TAS2R1: variants seen among roughly 807,000 people sequenced by gnomAD.
TAS2R1 encodes taste receptor type 2 member 1.
For synonymous variants in TAS2R1, 141 were observed against 134.2 expected, an observed-to-expected ratio of 1.05 and a Z score of -0.35; for missense variants, 370 against 353.4, an observed-to-expected ratio of 1.05 and a Z score of -0.38.
At chr5:9,834,467 C>T in the TAS2R1 span, among the ~76,000 whole-genome samples, 12 of 152,068 alleles carry the variant, frequency 7.9e-5, no homozygotes, top group African/African-American at 2.9e-4. Context: ...AAGCTGGGTA[C>T]ACATAAAAAC....
chr5:9,851,514 ATTTGTT>A, the TAS2R1 span, among the ~76,000 whole-genome samples: 1 of 122,944 alleles, frequency 8.1e-6, no homozygotes, highest in African/African-American at 3.0e-5. Flanking sequence ...TTCTGCTGGG[ATTTGTT>A]TTTTTTTTTT....
intron 1 of TAS2R1, among the ~76,000 whole-genome samples, chr5:9,690,178 C>T (rs774751066): frequency 2.0e-5 from 3 of 152,132 alleles, no homozygotes; most frequent in South Asian, 2.1e-4. Context: ...AATGTTACCC[C>T]GCTATTAAAA....
chr5:9,631,104 C>T (rs114816184), upstream of TAS2R1, among the ~76,000 whole-genome samples: 1,067 of 152,202 alleles, frequency 7.0e-3, 11 homozygotes, highest in African/African-American at 0.024. Context: ...CAAAATGTTT[C>T]GAGACATTGC....
chr5:9,635,517 G>T (rs1454218038), intron 2 of TAS2R1, among the ~76,000 whole-genome samples: 2 of 151,734 alleles, frequency 1.3e-5, no homozygotes, highest in Non-Finnish European at 1.5e-5. Flanking sequence ...TTTTAGTTAA[G>T]ATTGGTACCA....
At chr5:9,728,270 G>C in the TAS2R1 span, among the ~76,000 whole-genome samples, 1 of 152,102 alleles carries the variant, frequency 6.6e-6, no homozygotes, top group Non-Finnish European at 1.5e-5. Context: ...CAACCATATT[G>C]CCTGCAATAC....
the TAS2R1 span, among the ~76,000 whole-genome samples, chr5:9,720,779 G>C: frequency 1.3e-5 from 2 of 152,230 alleles, no homozygotes; most frequent in African/African-American, 2.4e-5. Context: ...CTACCTTGAA[G>C]ATTCACTCAG....
At chr5:9,721,760 A>G in the TAS2R1 span, among the ~76,000 whole-genome samples, 1 of 152,214 alleles carries the variant, frequency 6.6e-6, no homozygotes, top group Non-Finnish European at 1.5e-5. Context: ...AGCAAATATG[A>G]TATTATTTGA....
At chr5:9,707,485 C>G (rs563288026) in intron 1 of TAS2R1, among the ~76,000 whole-genome samples, 1 of 152,316 alleles carries the variant, frequency 6.6e-6, no homozygotes, top group East Asian at 1.9e-4. Context: ...GAGTTCAAGA[C>G]CAGCCTGGCC....
intron 1 of TAS2R1, among the ~76,000 whole-genome samples, chr5:9,661,206 C>G (rs1270730129): frequency 6.6e-6 from 1 of 152,214 alleles, no homozygotes; most frequent in Non-Finnish European, 1.5e-5. Context: ...ACCACTTTAA[C>G]AAATCCTGTT....
the TAS2R1 span, among the ~76,000 whole-genome samples, chr5:9,756,368 T>C: frequency 4.6e-5 from 7 of 152,176 alleles, no homozygotes; most frequent in African/African-American, 1.2e-4. Context: ...CATTAGAGTA[T>C]AGAGAATAAT....
At chr5:9,765,861 T>C in the TAS2R1 span, among the ~76,000 whole-genome samples, 1 of 152,228 alleles carries the variant, frequency 6.6e-6, no homozygotes, top group African/African-American at 2.4e-5. Context: ...CACAAGGACA[T>C]AGACTAGATT....
intron 2 of TAS2R1, among the ~76,000 whole-genome samples, chr5:9,638,038 T>C (rs1318730260): frequency 2.6e-5 from 4 of 152,184 alleles, no homozygotes; most frequent in African/African-American, 4.8e-5. Flanking sequence ...TCTTGTTCCT[T>C]ATTTGGGTAG....
chr5:9,761,335 C>A, the TAS2R1 span, among the ~76,000 whole-genome samples: 1 of 147,460 alleles, frequency 6.8e-6, no homozygotes, highest in Non-Finnish European at 1.5e-5. Context: ...TGGAGCTGAA[C>A]AGGAGGGAAG....
intron 1 of TAS2R1, among the ~76,000 whole-genome samples, chr5:9,663,452 T>C (rs1740575038): frequency 6.6e-6 from 1 of 152,220 alleles, no homozygotes; most frequent in Non-Finnish European, 1.5e-5. Context: ...CTCAACTTTT[T>C]CAGAGACGTA....
the TAS2R1 span, among the ~76,000 whole-genome samples, chr5:9,761,362 G>T: frequency 6.6e-6 from 1 of 150,610 alleles, no homozygotes; most frequent in Non-Finnish European, 1.5e-5. Flanking sequence ...AAGAATTAAA[G>T]GTCAAATAGC....
At chr5:9,883,702 C>T in the TAS2R1 span, among the ~76,000 whole-genome samples, 1 of 151,898 alleles carries the variant, frequency 6.6e-6, no homozygotes, top group East Asian at 1.9e-4. Context: ...GTCTATGGGT[C>T]TGCTGGGAGA....
the TAS2R1 span, among the ~76,000 whole-genome samples, chr5:9,752,699 TC>T: frequency 2.0e-4 from 30 of 151,674 alleles, no homozygotes; most frequent in Non-Finnish European, 3.7e-4. Context: ...TCCCTCCCCT[TC>T]CCCCCACCCC....
the TAS2R1 span, among the ~76,000 whole-genome samples, chr5:9,797,569 G>A: frequency 6.6e-6 from 1 of 152,146 alleles, no homozygotes; most frequent in East Asian, 1.9e-4. Context: ...GAGGAATCAG[G>A]AACAATTAGT....
chr5:9,718,667 A>G, the TAS2R1 span, among the ~76,000 whole-genome samples: 8 of 152,202 alleles, frequency 5.3e-5, no homozygotes, highest in Non-Finnish European at 1.0e-4. Flanking sequence ...CAGTTAGTGG[A>G]AAAGGAGGCA....
Sources: gnomAD v4.1 joint callset for allele counts (sites outside exome capture counted in the v4.1 genomes callset) on GRCh38, gnomAD v4.1.1 for gene constraint, MANE v1.5 for transcripts, NCBI Gene and HGNC (gene_info 2026-07-23, HGNC 2026-07-21) for gene names.